Variants in TMX2 observed in about 807,000 individuals in gnomAD.
TMX2 encodes the protein thioredoxin-related transmembrane protein 2.
Under a neutral mutation model 33.4 loss-of-function variants are expected in TMX2, and 20 were observed. The observed-to-expected ratio is 0.60, with a 90% CI of 0.42 to 0.87. The LOEUF is 0.87. TMX2 is among the 40% of genes least tolerant of loss of function. The probability of loss-of-function intolerance (pLI) is 0.00; values close to 1 mark genes in which losing one functional copy is unlikely to be tolerated. For synonymous variants in TMX2, 166 were observed against 140.7 expected (o/e 1.18, Z -1.27); for missense variants, 340 against 370.7 (o/e 0.92, Z 0.68).
chr11:57,730,158 C>T (rs1297649804), intron 1 of TMX2, among the ~76,000 whole-genome samples: 2 of 142,752 alleles, frequency 1.4e-5, no homozygotes, highest in Non-Finnish European at 3.0e-5. Context: ...GGCCATGGTG[C>T]CTCACGCCTG....
Position 57,737,905 on chromosome 11 carries a change from T to G in TMX2, c.251-8T>G. 6.2e-7 allele frequency: 1 copy of G among 1,614,200 alleles called. No individual in the cohort carries two copies. ...CCCAGCCTGACCTGTGACATCTCTG[T>G]GTTTCAGTCACTGTGGAGCAACATA... On this transcript the variant is annotated splice_region_variant and splice_polypyrimidine_tract_variant and intron_variant, in intron 2 of 7. Transcript: ENST00000278422.
At chr11:57,738,047 TC>T (rs1360127078) in intron 3 of TMX2, 21 bp downstream of exon 3, 5 of 1,545,176 alleles carry the variant, frequency 3.2e-6, no homozygotes, top group Non-Finnish European at 3.5e-6. Context: ...TGCCTTTCTT[TC>T]TTTTTTTTTT....
chr11:57,733,694 G>A (rs545606619), intron 1 of TMX2, among the ~76,000 whole-genome samples: 1 of 152,126 alleles, frequency 6.6e-6, no homozygotes, highest in African/African-American at 2.4e-5. Context: ...GGGTAATAGG[G>A]GTTCATTCAA....
At chr11:57,723,919 A>G (rs1947806213) in intron 1 of TMX2, among the ~76,000 whole-genome samples, 1 of 151,596 alleles carries the variant, frequency 6.6e-6, no homozygotes, top group Non-Finnish European at 1.5e-5. Context: ...AAACAAAACA[A>G]GCCAGGGCAA....
rs1487850688 is a variant in TMX2, at chr11:57,738,688, G to T, written c.466G>T (p.Val156Phe). 1 of 1,613,924 alleles carries T rather than the reference G, an allele frequency of 6.2e-7. No individual in the cohort carries two copies. The highest frequency in any genetic ancestry group is 1.7e-5 in the Admixed American group (1 of 60,022). Residue 156 changes from valine to phenylalanine, a missense_variant, in exon 5 of 8, where the codon GTC (valine) becomes TTC (phenylalanine). Val to Phe is a conservative substitution (Grantham distance 50, BLOSUM62 -1). Transcript: ENST00000278422. The part of the protein sequence containing the change: ...IDEELERDKR[V>F]TWIVEFFANW... Reference sequence around the variant, plus strand: ...GGAGGAACTAGAACGGGACAAGAGGGTCACTTGGATTGTGGAGTTCTTTGC... The same window carrying T: ...GGAGGAACTAGAACGGGACAAGAGGTTCACTTGGATTGTGGAGTTCTTTGC...
chr11:57,734,815 A>T, intron 1 of TMX2, among the ~76,000 whole-genome samples: 1 of 151,968 alleles, frequency 6.6e-6, no homozygotes, highest in East Asian at 2.0e-4. Flanking sequence ...TTCATTCCCA[A>T]TTCTAACCCA....
At chr11:57,722,094 T>G (rs896065575) in intron 1 of TMX2, among the ~76,000 whole-genome samples, 4 of 152,134 alleles carry the variant, frequency 2.6e-5, no homozygotes, top group African/African-American at 7.2e-5. Flanking sequence ...CTGCTGCACT[T>G]AAGCCATCCT....
chr11:57,735,779 A>G (rs890598789), intron 1 of TMX2, among the ~76,000 whole-genome samples: 2 of 152,222 alleles, frequency 1.3e-5, no homozygotes, highest in Non-Finnish European at 2.9e-5. Flanking sequence ...AATGTTAACC[A>G]TGATCTGAGG....
At chr11:57,717,009 C>A (rs1345717479) in intron 1 of TMX2, among the ~76,000 whole-genome samples, 5 of 150,574 alleles carry the variant, frequency 3.3e-5, no homozygotes, top group African/African-American at 1.2e-4. Flanking sequence ...CAGAGACACT[C>A]CTCACCTCCC....
At chr11:57,716,039 C>G (rs758045070) in intron 1 of TMX2, among the ~76,000 whole-genome samples, 18 of 152,196 alleles carry the variant, frequency 1.2e-4, no homozygotes, top group African/African-American at 3.9e-4. Context: ...ACCTTTCCCC[C>G]CTTTCTATTC....
intron 1 of TMX2, chr11:57,718,002 G>A: frequency 2.5e-6 from 2 of 805,260 alleles, no homozygotes; most frequent in Admixed American, 3.4e-5. Context: ...AGCACAGAAG[G>A]AATGGTCTGG....
In TMX2 at chr11:57,712,807, G is replaced by A. The variant is rs1260641162; in HGVS notation, c.189G>A (p.Trp63Ter). 2.5e-6 allele frequency: 4 copies of A among 1,613,850 alleles called. No individual in the cohort carries two copies. Among genetic ancestry groups the A allele is most frequent in the Non-Finnish European group, 3.4e-6 (4 of 1,180,018 alleles). The change falls in exon 1 of 8, where the codon TGG becomes TGA. Residue 63 changes from tryptophan (W) to a stop codon, truncating the protein, a stop_gained and splice_region_variant. Coordinates refer to ENST00000278422, the MANE Select transcript of TMX2 (RefSeq NM_015959.4). LOFTEE classifies it high-confidence loss of function. The part of the protein sequence containing the change: ...REDGNPCDFD[W>*]REVEILMFLS... Reference sequence around the variant, plus strand: ...ACGGTAACCCGTGTGACTTTGACTGGGTGAGCCTCCCGCGTGTTAGTACCC... The same window carrying A: ...ACGGTAACCCGTGTGACTTTGACTGAGTGAGCCTCCCGCGTGTTAGTACCC...
Position 57,740,434 on chromosome 11 carries a change from G to A in TMX2, c.*189G>A. On this transcript the variant is annotated 3_prime_UTR_variant, in exon 8 of 8. Transcript: ENST00000278422. The stretch of plus-strand genomic sequence containing the variant: ...ACCCTACAGGAAGGCCTGCCATGCT[G>A]TGGCCAACTGTTTCACTGGAGCAAG... 1.7e-6 allele frequency: 1 copy of A among 595,328 alleles called. No homozygotes were observed. The allele number at this position is 595,328 out of a possible 1,614,324, so 36.9% of individuals were successfully genotyped here. A position where few individuals can be genotyped will look rare whatever the true frequency, so the allele number is the denominator to read the frequency against.
At chr11:57,721,020 T>C (rs1485044356) in intron 1 of TMX2, among the ~76,000 whole-genome samples, 1 of 151,908 alleles carries the variant, frequency 6.6e-6, no homozygotes, top group Non-Finnish European at 1.5e-5. Context: ...TTTTTTTTTT[T>C]TCCTCAGGCC....
intron 1 of TMX2, among the ~76,000 whole-genome samples, chr11:57,735,852 C>T (rs1948722985): frequency 6.6e-6 from 1 of 152,186 alleles, no homozygotes; most frequent in Admixed American, 6.5e-5. Context: ...ATGCATTCTC[C>T]TTAGCCTGGC....
chr11:57,721,047 A>T (rs1947595177), intron 1 of TMX2, among the ~76,000 whole-genome samples: 1 of 150,642 alleles, frequency 6.6e-6, no homozygotes, highest in African/African-American at 2.4e-5. Context: ...GGTGGCTGTA[A>T]TCCTAGCACT....
chr11:57,721,453 A>G (rs1347142706), intron 1 of TMX2, among the ~76,000 whole-genome samples: 6 of 141,078 alleles, frequency 4.3e-5, no homozygotes, highest in Admixed American at 7.7e-5. Flanking sequence ...AGTAGCTGGG[A>G]TTACAGGCAT....
chr11:57,733,688 A>C (rs1948548288), intron 1 of TMX2, among the ~76,000 whole-genome samples: 1 of 152,220 alleles, frequency 6.6e-6, no homozygotes, highest in African/African-American at 2.4e-5. Flanking sequence ...GAAGCTGGGT[A>C]ATAGGGGTTC....
At position 57,738,010 on chromosome 11, in the gene TMX2, C is replaced by T. The variant is rs781032030; in HGVS notation, c.348C>T (p.Tyr116=). ...TGGATATTCGCATGGGCCTACTTTA[C>T]ATCACACTCTGCATAGGTGAGGAGA... is the stretch of plus-strand genomic sequence containing the variant. ...FRLDIRMGLL[Y]ITLCIVFLMT... Residue 116 remains tyrosine, a synonymous_variant, in exon 3 of 8, where the codon TAC becomes TAT. Coordinates refer to ENST00000278422, the MANE Select transcript of TMX2 (RefSeq NM_015959.4). 12 of 1,610,670 alleles carry T rather than the reference C, an allele frequency of 7.5e-6. No homozygotes were observed. The African/African-American group carries it at 9.4e-5, about 13-fold the overall frequency.
Sources: gnomAD v4.1 joint callset for allele counts (sites outside exome capture counted in the v4.1 genomes callset) on GRCh38, gnomAD v4.1.1 for gene constraint, MANE v1.5 for transcripts, NCBI Gene and HGNC (gene_info 2026-07-23, HGNC 2026-07-21) for gene names.